KIRREL3: variants seen among roughly 807,000 people sequenced by gnomAD.
The protein encoded by KIRREL3 is kirre like nephrin family adhesion molecule 3, also known as kin of IRRE-like protein 3.
Under a neutral mutation model 89.7 loss-of-function variants are expected in KIRREL3, and 36 were observed. The observed-to-expected ratio is 0.40, with a 90% CI of 0.31 to 0.53. The LOEUF (loss-of-function observed/expected upper bound fraction) is 0.53, where lower values mean the gene tolerates loss of function less well. Among genes scored for constraint, KIRREL3 ranks in the 20% least tolerant of loss-of-function variants. KIRREL3 has a pLI of 0.49. For missense variants in KIRREL3, 864 were observed against 1,056.6 expected (o/e 0.82, Z 2.53); for synonymous variants, 445 against 441.4 (o/e 1.01, Z -0.10).
At chr11:126,457,483 A>ATGTATGTATGTATGCGTGTGTGTATGTG (rs1956409512) in intron 6 of KIRREL3, among the ~76,000 whole-genome samples, 1 of 149,824 alleles carries the variant, frequency 6.7e-6, no homozygotes, top group Non-Finnish European at 1.5e-5. Context: ...GTATGCTTAT[A>ATGTATGTATGTATGCGTGTGTGTATGTG]TGTATGTATG....
rs985419646 is a variant in KIRREL3, at chr11:126,795,688, A to G, written c.55+204767T>C. On this transcript the variant is annotated intron_variant, in intron 1 of 16. Coordinates refer to ENST00000525144, the MANE Select transcript of KIRREL3 (RefSeq NM_032531.4). This position sits in a 1 kb window ranked among gnomAD's most constrained non-coding sequence, Gnocchi z 4.1. ...AGTGAGCCACTGTGCCTGGCCAGAAATATGTAGAAATTATTTGCACTTTCT... is the reference window on the plus strand; with the variant it reads ...AGTGAGCCACTGTGCCTGGCCAGAAGTATGTAGAAATTATTTGCACTTTCT... Among the ~76,000 whole-genome samples the G allele has an allele frequency of 1.1e-4, 16 of 152,180 alleles. No homozygotes were observed. Among genetic ancestry groups the G allele is most frequent in the African/African-American group, 3.9e-4 (16 of 41,432 alleles).
At chr11:126,963,530 C>A (rs1949162757) in intron 1 of KIRREL3, among the ~76,000 whole-genome samples, 1 of 152,138 alleles carries the variant, frequency 6.6e-6, no homozygotes, top group Non-Finnish European at 1.5e-5. Flanking sequence ...CGTTTCTGAA[C>A]AAAATGCTTT....
rs1379617391 is a variant in KIRREL3 at position 126,463,701 on chromosome 11, C to T, written c.592-394G>A. On this transcript the variant is annotated intron_variant, in intron 5 of 16. Transcript: ENST00000525144. The surrounding 1 kb of genome is among the most constrained non-coding windows in gnomAD (Gnocchi z 5.9). ...CAGTCTCAGGCTCTGTAGGAAGCAACGAGATGGTTTGCAACCAGCAGGGAC... is the reference window on the plus strand; with the variant it reads ...CAGTCTCAGGCTCTGTAGGAAGCAATGAGATGGTTTGCAACCAGCAGGGAC... 2.0e-5 allele frequency among the ~76,000 whole-genome samples: 3 copies of T among 152,118 alleles called. No individual in the cohort carries two copies. Among genetic ancestry groups the T allele is most frequent in the African/African-American group, 7.2e-5 (3 of 41,408 alleles).
chr11:126,666,336 A>G lies in KIRREL3; in HGVS notation c.56-103424T>C, dbSNP rs760031280. Among the ~76,000 whole-genome samples the G allele has an allele frequency of 2.0e-5, 3 of 152,196 alleles. No homozygotes were observed. The highest frequency in any genetic ancestry group is 6.5e-5 in the Admixed American group (1 of 15,284). On this transcript the variant is annotated intron_variant, in intron 1 of 16. Transcript: ENST00000525144. This position sits in a 1 kb window ranked among gnomAD's most constrained non-coding sequence, Gnocchi z 4.2. ...TCTTTCTGCAGGGATAAGAGTGAGCATGGAAGTACTTAAGCACCAGGGAAA... is the reference window on the plus strand; with the variant it reads ...TCTTTCTGCAGGGATAAGAGTGAGCGTGGAAGTACTTAAGCACCAGGGAAA...
At chr11:126,875,771 G>T (rs980481766) in intron 1 of KIRREL3, among the ~76,000 whole-genome samples, 3 of 152,196 alleles carry the variant, frequency 2.0e-5, no homozygotes, top group African/African-American at 7.2e-5. Flanking sequence ...CAATGCATTT[G>T]TCTTCATAAT....
rs1256138924 is a variant in KIRREL3, at chr11:126,908,115, C to T, written c.55+92340G>A. ...TCTGTTATGTATGTTGTTTATGATCCTGCCCCCTCCCGTCAGAATGCAAGT... is the reference window on the plus strand; with the variant it reads ...TCTGTTATGTATGTTGTTTATGATCTTGCCCCCTCCCGTCAGAATGCAAGT... On this transcript the variant is annotated intron_variant, in intron 1 of 16. Coordinates refer to ENST00000525144, the MANE Select transcript of KIRREL3 (RefSeq NM_032531.4). This position sits in a 1 kb window ranked among gnomAD's most constrained non-coding sequence, Gnocchi z 4.2. Among the ~76,000 whole-genome samples, 1 of 152,154 alleles carries T rather than the reference C, an allele frequency of 6.6e-6. No homozygotes were observed. Among genetic ancestry groups the T allele is most frequent in the Non-Finnish European group, 1.5e-5 (1 of 68,044 alleles).
chr11:126,552,034 T>G (rs1056934928), intron 2 of KIRREL3, among the ~76,000 whole-genome samples: 8 of 152,262 alleles, frequency 5.3e-5, no homozygotes, highest in Non-Finnish European at 1.2e-4. Context: ...CATCTGGGGA[T>G]ACCAAGCAAA....
chr11:126,921,161 C>G (rs1947258627), intron 1 of KIRREL3, among the ~76,000 whole-genome samples: 1 of 152,164 alleles, frequency 6.6e-6, no homozygotes, highest in South Asian at 2.1e-4. Context: ...TGTCAGCACT[C>G]TAGGTTCTCC....
rs1949147221 is a variant in KIRREL3, at chr11:126,746,295, CTA to C, written c.56-183385_56-183384del. 2.6e-5 allele frequency among the ~76,000 whole-genome samples: 4 copies of C among 152,108 alleles called. No homozygotes were observed. In the South Asian group the frequency reaches 6.2e-4, roughly 24 times the overall value. On this transcript the variant is annotated intron_variant, in intron 1 of 16. Transcript: ENST00000525144. ...AGCGTGTGGTTTATTAAAGGAGAAA[CTA>C]TGTAAAACAAATACAACAAAGTGTG...
intron 1 of KIRREL3, among the ~76,000 whole-genome samples, chr11:126,828,532 G>A (rs561104683): frequency 3.9e-5 from 6 of 152,302 alleles, no homozygotes; most frequent in African/African-American, 1.4e-4. Context: ...GTAAACAGCA[G>A]GACCAGGGGA....
At chr11:126,584,519 G>A (rs1941722038) in intron 1 of KIRREL3, among the ~76,000 whole-genome samples, 1 of 152,204 alleles carries the variant, frequency 6.6e-6, no homozygotes, top group South Asian at 2.1e-4. Context: ...GTTCAGCCCA[G>A]GCATGTGGGT....
chr11:126,469,696 G>C (rs1432594418), intron 5 of KIRREL3, among the ~76,000 whole-genome samples: 1 of 152,236 alleles, frequency 6.6e-6, no homozygotes, highest in Non-Finnish European at 1.5e-5. Context: ...AGTTAGGATG[G>C]TGGATGACCA....
rs1476478871 is a variant in KIRREL3 at position 126,475,418 on chromosome 11, C to T, written c.434-1952G>A. Among the ~76,000 whole-genome samples the T allele has an allele frequency of 1.3e-5, 2 of 152,226 alleles. No homozygotes were observed. The highest frequency in any genetic ancestry group is 2.9e-5 in the Non-Finnish European group (2 of 68,038). On this transcript the variant is annotated intron_variant, in intron 4 of 16. Coordinates refer to ENST00000525144, the MANE Select transcript of KIRREL3 (RefSeq NM_032531.4). This position sits in a 1 kb window ranked among gnomAD's most constrained non-coding sequence, Gnocchi z 7.5. ...GGCCGGTAAGAAGCCAAGAAGCAAA[C>T]CTTCAGAACAGCTGCCTTGCCCTCC...
chr11:126,543,180 AC>A (rs1938511353), intron 2 of KIRREL3, among the ~76,000 whole-genome samples: 2 of 152,228 alleles, frequency 1.3e-5, no homozygotes, highest in Admixed American at 6.5e-5. Flanking sequence ...ATCAAAGAGA[AC>A]GAAGCAAAAC....
At position 126,608,842 on chromosome 11, in the gene KIRREL3, A is replaced by G. The variant is rs911388549; in HGVS notation, c.56-45930T>C. ...TGCACTTCTGGAGTGGAGATGGGCA[A>G]TGGGGATGCCTGATGAGACCTATGT... On this transcript the variant is annotated intron_variant, in intron 1 of 16. Coordinates refer to ENST00000525144, the MANE Select transcript of KIRREL3 (RefSeq NM_032531.4). The surrounding 1 kb of genome is among the most constrained non-coding windows in gnomAD (Gnocchi z 4.9). 2.0e-5 allele frequency among the ~76,000 whole-genome samples: 3 copies of G among 152,112 alleles called. No homozygotes were observed. The highest frequency in any genetic ancestry group is 4.8e-5 in the African/African-American group (2 of 41,416).
rs578121011 is a variant in KIRREL3, at chr11:126,641,286, C to A, written c.56-78374G>T. Reference sequence around the variant, plus strand: ...CACTTCCTCTGCTACTTTCTTGGCCCGAGCCTCATCACTTGTTGCTCAGAT... The same window carrying A: ...CACTTCCTCTGCTACTTTCTTGGCCAGAGCCTCATCACTTGTTGCTCAGAT... On this transcript the variant is annotated intron_variant, in intron 1 of 16. Coordinates refer to ENST00000525144, the MANE Select transcript of KIRREL3 (RefSeq NM_032531.4). The surrounding 1 kb of genome is among the most constrained non-coding windows in gnomAD (Gnocchi z 5.0). Among the ~76,000 whole-genome samples, 1 of 152,080 alleles carries A rather than the reference C, an allele frequency of 6.6e-6. No individual in the cohort carries two copies. Among genetic ancestry groups the A allele is most frequent in the South Asian group, 2.1e-4 (1 of 4,808 alleles).
intron 2 of KIRREL3, among the ~76,000 whole-genome samples, chr11:126,548,082 C>T (rs1368546261): frequency 6.6e-6 from 1 of 152,160 alleles, no homozygotes; most frequent in African/African-American, 2.4e-5. Flanking sequence ...CATCTCTCTT[C>T]CCCTGCTTTT....
intron 1 of KIRREL3, among the ~76,000 whole-genome samples, chr11:126,637,312 T>C (rs1232514408): frequency 2.6e-5 from 4 of 152,198 alleles, no homozygotes; most frequent in African/African-American, 9.7e-5. Context: ...CATGTTGTAA[T>C]CATCCTCTTC....
Position 126,476,535 on chromosome 11 carries a change from C to T in KIRREL3, c.434-3069G>A, listed in dbSNP as rs931929076. 6.6e-6 allele frequency among the ~76,000 whole-genome samples: 1 copy of T among 152,208 alleles called. No homozygotes were observed. Among genetic ancestry groups the T allele is most frequent in the African/African-American group, 2.4e-5 (1 of 41,460 alleles). On this transcript the variant is annotated intron_variant, in intron 4 of 16. Coordinates refer to ENST00000525144, the MANE Select transcript of KIRREL3 (RefSeq NM_032531.4). This position sits in a 1 kb window ranked among gnomAD's most constrained non-coding sequence, Gnocchi z 6.4. ...GCTCAGGCACACGCACAGCCACGCA[C>T]ATACATCCACCCTCAGAATGGGGCC... is the stretch of plus-strand genomic sequence containing the variant.
Sources: gnomAD v4.1 joint callset for allele counts (sites outside exome capture counted in the v4.1 genomes callset) on GRCh38, gnomAD v4.1.1 for gene constraint, Gnocchi (gnomAD v3.1) non-coding constraint, MANE v1.5 for transcripts, NCBI Gene and HGNC (gene_info 2026-07-23, HGNC 2026-07-21) for gene names.